Variants in SETD2 observed in about 807,000 individuals in gnomAD.
SETD2 encodes the protein SET domain containing 2, histone lysine methyltransferase.
Under a neutral mutation model 242.1 loss-of-function variants are expected in SETD2, and 31 were observed. The observed-to-expected ratio is 0.13, with a 90% CI of 0.10 to 0.17. The LOEUF (loss-of-function observed/expected upper bound fraction) is 0.17, where lower values mean the gene tolerates loss of function less well. Ranked by LOEUF, SETD2 falls within the 10% of genes least tolerant of loss-of-function variation. The probability of loss-of-function intolerance (pLI) is 1.00; values close to 1 mark genes in which losing one functional copy is unlikely to be tolerated. For missense variants in SETD2, 2,481 were observed against 3,046.3 expected, an observed-to-expected ratio of 0.81 and a Z score of 4.37; for synonymous variants, 1,006 against 1,066.5, an observed-to-expected ratio of 0.94 and a Z score of 1.11.
At chr3:47,042,125 GGCA>G (rs904274031) in intron 17 of SETD2, among the ~76,000 whole-genome samples, 1 of 152,168 alleles carries the variant, frequency 6.6e-6, no homozygotes, top group Non-Finnish European at 1.5e-5. Flanking sequence ...GGCCAAGGCG[GGCA>G]GGGCAGATCA....
At position 47,088,202 on chromosome 3, in the gene SETD2, A is replaced by C. The variant is rs777351391; in HGVS notation, c.5188T>G (p.Ser1730Ala). Reference protein sequence around the residue: ...EALMENGEGLSDKNQVLSLSR... With the variant: ...EALMENGEGLADKNQVLSLSR... ...AAGCTGAGCACCTGGTTTTTATCAG[A>C]GAGACCCTCACCATTTTCCATCAGA... The change falls in exon 10 of 21, where the codon TCT becomes GCT. Residue 1730 changes from serine (S) to alanine (A), a missense_variant. Ser to Ala is a moderately conservative substitution (Grantham distance 99, BLOSUM62 1). Around this residue, in one of 17 missense-constraint regions of SETD2, gnomAD observed 62 missense variants for 136.7 expected, o/e 0.45. Transcript: ENST00000409792. The C allele has an allele frequency of 5.0e-6, 8 of 1,613,876 alleles. No homozygotes were observed. Among genetic ancestry groups the C allele is most frequent in the South Asian group, 3.3e-5 (3 of 91,080 alleles).
intron 14 of SETD2, 114 bp from the exon 15 acceptor site, chr3:47,057,604 T>C: frequency 2.7e-6 from 2 of 729,166 alleles, no homozygotes; most frequent in Non-Finnish European, 4.5e-6. Flanking sequence ...CAAACCCTAT[T>C]TGGCACTGGT....
intron 5 of SETD2, among the ~76,000 whole-genome samples, chr3:47,111,076 C>CT (rs1663825944): frequency 1.5e-5 from 1 of 64,842 alleles, no homozygotes; most frequent in South Asian, 6.2e-4. Context: ...ACTGTGGTTC[C>CT]TTTAAAAAAA....
chr3:47,042,448 G>T, intron 17 of SETD2, 113 bp downstream of exon 17: 1 of 989,850 alleles, frequency 1.0e-6, no homozygotes, highest in Non-Finnish European at 1.6e-6. Context: ...CAGCCTTCAA[G>T]CACAGTGAAA....
Position 47,104,825 on chromosome 3 carries a change from G to A in SETD2, c.4839+1172C>T, listed in dbSNP as rs181544473. On this transcript the variant is annotated intron_variant, in intron 6 of 20. Transcript: ENST00000409792. Reference sequence around the variant, plus strand: ...AGTGGTTCATGCCTGTAATCCCAACGCTCTGGGAGGCCAATCTGGGCCAAC... The same window carrying A: ...AGTGGTTCATGCCTGTAATCCCAACACTCTGGGAGGCCAATCTGGGCCAAC... 4.4e-4 allele frequency among the ~76,000 whole-genome samples: 67 copies of A among 152,226 alleles called. 1 individual carries two copies. The highest frequency in any genetic ancestry group is 7.2e-4 in the Non-Finnish European group (49 of 68,010).
intron 12 of SETD2, chr3:47,081,064 C>A: frequency 1.0e-6 from 1 of 986,976 alleles, no homozygotes; most frequent in Non-Finnish European, 1.2e-6. Flanking sequence ...TGTTAACAAG[C>A]TCCTTGCTGC....
intron 1 of SETD2, among the ~76,000 whole-genome samples, chr3:47,147,454 C>T (rs1049548161): frequency 5.3e-5 from 8 of 151,548 alleles, no homozygotes; most frequent in Non-Finnish European, 1.0e-4. Flanking sequence ...GCCCGACTAG[C>T]TGGGACTACA....
rs1174283471 is a variant in SETD2, at chr3:47,058,440, C to CAAAAAAA, written c.6294-957_6294-951dup. On this transcript the variant is annotated intron_variant, in intron 14 of 20. Coordinates refer to ENST00000409792, the MANE Select transcript of SETD2 (RefSeq NM_014159.7). ...TGGGCAACAGGGCAAGACACCGTCT[C>CAAAAAAA]AAAAAAAAAAAAAAAAAAAAAAAAC... Among the ~76,000 whole-genome samples the CAAAAAAA allele has an allele frequency of 1.2e-3, 26 of 21,970 alleles. 2 individuals carry two copies. Among genetic ancestry groups the CAAAAAAA allele is most frequent in the African/African-American group, 5.2e-3 (21 of 4,024 alleles). The allele number at this position is 21,970 out of a possible 152,430, so 14.4% of individuals were successfully genotyped here.
rs1038542187 is a variant in SETD2, at chr3:47,017,907, C to G, written c.7432-168G>C. Among the ~76,000 whole-genome samples, 2 of 152,224 alleles carry G rather than the reference C, an allele frequency of 1.3e-5. No individual in the cohort carries two copies. Among genetic ancestry groups the G allele is most frequent in the African/African-American group, 4.8e-5 (2 of 41,448 alleles). On this transcript the variant is annotated intron_variant, in intron 19 of 20. Transcript: ENST00000409792. This position sits in a 1 kb window ranked among gnomAD's most constrained non-coding sequence, Gnocchi z 4.8. ...TGGAATACTAGTAAGCCAGTAAGAT[C>G]TGAGAAAAGGATACGGGCTCAGCCT...
At chr3:47,117,728 T>C (rs901927565) in intron 3 of SETD2, among the ~76,000 whole-genome samples, 1 of 152,236 alleles carries the variant, frequency 6.6e-6, no homozygotes, top group Admixed American at 6.5e-5. Flanking sequence ...GGGCTCAACT[T>C]TCTCCATGCA....
chr3:47,143,900 C>T (rs2043792710), intron 1 of SETD2, among the ~76,000 whole-genome samples: 1 of 152,080 alleles, frequency 6.6e-6, no homozygotes, highest in East Asian at 1.9e-4. Flanking sequence ...TTAGTAGAGA[C>T]GGGGTTTCAC....
chr3:47,125,846 T>A (rs13323092), intron 2 of SETD2, among the ~76,000 whole-genome samples: 6,456 of 152,300 alleles, frequency 0.042, 471 homozygotes, highest in African/African-American at 0.15. Context: ...AAATTAAAGA[T>A]GGTGGTATAC....
At chr3:47,079,241 A>C (rs1219745921) in intron 12 of SETD2, among the ~76,000 whole-genome samples, 1 of 152,194 alleles carries the variant, frequency 6.6e-6, no homozygotes, top group Non-Finnish European at 1.5e-5. Context: ...CATTATGGTT[A>C]CTATAAGACT....
chr3:47,129,458 T>C (rs772161196), intron 1 of SETD2, among the ~76,000 whole-genome samples: 2 of 152,244 alleles, frequency 1.3e-5, no homozygotes, highest in African/African-American at 2.4e-5. Flanking sequence ...ATCATTGTTT[T>C]TCTTTTTAAA....
chr3:47,034,234 T>A (rs2038903077), intron 18 of SETD2, among the ~76,000 whole-genome samples: 1 of 152,234 alleles, frequency 6.6e-6, no homozygotes, highest in South Asian at 2.1e-4. Flanking sequence ...TGAGTGAAGC[T>A]GATACCTTTG....
At chr3:47,155,692 T>C (rs367665983) in intron 1 of SETD2, among the ~76,000 whole-genome samples, 2 of 152,146 alleles carry the variant, frequency 1.3e-5, no homozygotes, top group South Asian at 4.2e-4. Context: ...TGTAGTCCTA[T>C]CTACTCAGGA....
At chr3:47,080,517 T>C (rs1184607806) in intron 12 of SETD2, among the ~76,000 whole-genome samples, 3 of 152,206 alleles carry the variant, frequency 2.0e-5, no homozygotes, top group Non-Finnish European at 4.4e-5. Context: ...AAGTTACACT[T>C]AGTCACCACT....
intron 1 of SETD2, among the ~76,000 whole-genome samples, chr3:47,151,064 T>G (rs2043972392): frequency 6.6e-6 from 1 of 152,278 alleles, no homozygotes; most frequent in South Asian, 2.1e-4. Context: ...TTACTAAGCA[T>G]GTACTACCAT....
chr3:47,055,344 A>T (rs2040008993), intron 15 of SETD2, among the ~76,000 whole-genome samples: 1 of 152,246 alleles, frequency 6.6e-6, no homozygotes, highest in African/African-American at 2.4e-5. Flanking sequence ...AGGGGTAATG[A>T]GGAGTGCTGG....
Sources: allele counts gnomAD v4.1 joint callset (sites outside exome capture counted in the v4.1 genomes callset), GRCh38; gene constraint gnomAD v4.1.1; regional missense constraint gnomAD v4.1.1; non-coding constraint Gnocchi (gnomAD v3.1); transcripts MANE v1.5; gene names NCBI Gene and HGNC (gene_info 2026-07-23, HGNC 2026-07-21).